Variants in FRMD3 observed in about 807,000 individuals in gnomAD.
The protein encoded by FRMD3 is FERM domain containing 3.
Under a neutral mutation model 70.2 loss-of-function variants are expected in FRMD3, and 33 were observed. The observed-to-expected ratio is 0.47, with a 90% CI of 0.36 to 0.63. The LOEUF (loss-of-function observed/expected upper bound fraction) is 0.63, where lower values mean the gene tolerates loss of function less well. FRMD3 is among the 20% of genes least tolerant of loss of function. The pLI is 0.00. For missense variants in FRMD3, 632 were observed against 711.4 expected (o/e 0.89, Z 1.27); for synonymous variants, 279 against 255.9 (o/e 1.09, Z -0.86).
chr9:83,266,388 A>C (rs1293586157), intron 13 of FRMD3, among the ~76,000 whole-genome samples: 1 of 152,228 alleles, frequency 6.6e-6, no homozygotes, highest in African/African-American at 2.4e-5. Flanking sequence ...ATTGGTAAAA[A>C]CCACATTTAT....
chr9:83,381,309 C>T (rs1238557048), intron 2 of FRMD3, among the ~76,000 whole-genome samples: 1 of 152,180 alleles, frequency 6.6e-6, no homozygotes, highest in Non-Finnish European at 1.5e-5. Flanking sequence ...AATCCCAGCA[C>T]TTTCGGAGGC....
chr9:83,290,648 G>A lies in FRMD3; in HGVS notation c.1150C>T (p.Leu384Phe), dbSNP rs759583076. ...IINMEPLQPL[L>F]PSPSEQEEEL... ...TCTTCTTGCTCGCTGGGGGAAGGAA[G>A]CAGGGGCTGCAGGGGTTCCATGTTA... Residue 384 changes from leucine (L) to phenylalanine (F), a missense_variant, in exon 13 of 14, where the codon CTT (leucine) becomes TTT (phenylalanine). Leu to Phe is a conservative substitution (Grantham distance 22, BLOSUM62 0). Transcript: ENST00000304195. 1 of 1,614,102 alleles carries A rather than the reference G, an allele frequency of 6.2e-7. No individual in the cohort carries two copies. Among genetic ancestry groups the A allele is most frequent in the Admixed American group, 1.7e-5 (1 of 60,020 alleles).
intron 1 of FRMD3, among the ~76,000 whole-genome samples, chr9:83,460,934 C>G (rs553191340): frequency 1.3e-5 from 2 of 151,312 alleles, no homozygotes; most frequent in South Asian, 4.2e-4. Flanking sequence ...TCTGAGGAGG[C>G]AGCAGGAAAA....
At chr9:83,334,475 C>T (rs988757099) in intron 6 of FRMD3, among the ~76,000 whole-genome samples, 1 of 152,104 alleles carries the variant, frequency 6.6e-6, no homozygotes, top group African/African-American at 2.4e-5. Flanking sequence ...TTCCTCACAC[C>T]GGGACAGTTG....
intron 1 of FRMD3, among the ~76,000 whole-genome samples, chr9:83,442,080 C>A (rs1048071465): frequency 7.2e-5 from 11 of 152,016 alleles, no homozygotes; most frequent in Admixed American, 3.9e-4. Context: ...ACTTATCAGC[C>A]GAGTGATCTT....
intron 1 of FRMD3, among the ~76,000 whole-genome samples, chr9:83,536,930 T>TTAAAAAAAAAAAAAA (rs1829904792): frequency 2.5e-4 from 15 of 60,894 alleles, no homozygotes; most frequent in Non-Finnish European, 4.9e-4. Flanking sequence ...TGTATTACAC[T>TTAAAAAAAAAAAAAA]AAAAAAAAAA....
At chr9:83,357,760 T>A (rs575943954) in intron 3 of FRMD3, among the ~76,000 whole-genome samples, 2 of 152,302 alleles carry the variant, frequency 1.3e-5, no homozygotes, top group East Asian at 3.9e-4. Context: ...AGCCCACTTT[T>A]TGATGGGATT....
At chr9:83,434,145 T>C (rs1329199209) in intron 1 of FRMD3, among the ~76,000 whole-genome samples, 2 of 152,196 alleles carry the variant, frequency 1.3e-5, no homozygotes, top group African/African-American at 2.4e-5. Flanking sequence ...GCTTAGTAAA[T>C]ATCAAATTCT....
At chr9:83,406,288 C>T (rs543779923) in intron 1 of FRMD3, among the ~76,000 whole-genome samples, 1 of 152,296 alleles carries the variant, frequency 6.6e-6, no homozygotes, top group Non-Finnish European at 1.5e-5. Flanking sequence ...ATCTTTTCTT[C>T]CCATCATCAT....
intron 3 of FRMD3, among the ~76,000 whole-genome samples, chr9:83,371,237 G>A (rs926418258): frequency 7.2e-5 from 11 of 151,826 alleles, no homozygotes; most frequent in Non-Finnish European, 1.6e-4. Context: ...CTAGGAATCA[G>A]CAATTTTTTT....
chr9:83,322,726 C>G (rs1835848379), intron 6 of FRMD3, among the ~76,000 whole-genome samples: 1 of 152,184 alleles, frequency 6.6e-6, no homozygotes, highest in Non-Finnish European at 1.5e-5. Flanking sequence ...CTGGAGGTTT[C>G]TCTCTTACTG....
At chr9:83,281,407 C>G (rs990626000) in intron 13 of FRMD3, 3 of 152,262 alleles carry the variant, frequency 2.0e-5, no homozygotes, top group Admixed American at 2.0e-4. Context: ...GCTGGTCACA[C>G]AACACTCTCC....
intron 1 of FRMD3, among the ~76,000 whole-genome samples, chr9:83,510,548 A>C (rs1564110586): frequency 6.6e-6 from 1 of 152,368 alleles, no homozygotes; most frequent in South Asian, 2.1e-4. Flanking sequence ...ATATGTCCAC[A>C]CAAAAACCCA....
intron 1 of FRMD3, among the ~76,000 whole-genome samples, chr9:83,471,888 C>G (rs895281658): frequency 2.6e-5 from 4 of 152,170 alleles, no homozygotes; most frequent in Non-Finnish European, 5.9e-5. Context: ...CAGCTCTGGG[C>G]CTGTCATTTC....
At chr9:83,357,233 TATATAATAC>T (rs1824388365) in intron 3 of FRMD3, among the ~76,000 whole-genome samples, 2 of 15,000 alleles carry the variant, frequency 1.3e-4, no homozygotes, top group Middle Eastern at 0.023. Context: ...ATTTTATATA[TATATAATAC>T]ATACATATAT....
rs1474609186 is a variant in FRMD3, at chr9:83,245,967, A to G, written c.*1951T>C. 1.0e-6 allele frequency: 1 copy of G among 983,384 alleles called. No homozygotes were observed. Among genetic ancestry groups the G allele is most frequent in the African/African-American group, 1.7e-5 (1 of 57,206 alleles). 60.9% of individuals were successfully genotyped at this position (983,384 alleles called of 1,614,324 possible). ...AATAAACAAACAATCTTTATTTAAA[A>G]AGCAAAATAAATCACTGAAAGCATA... On this transcript the variant is annotated 3_prime_UTR_variant, in exon 14 of 14. Transcript: ENST00000304195.
chr9:83,540,917 A>G (rs1381740940), upstream of FRMD3, among the ~76,000 whole-genome samples: 5 of 152,256 alleles, frequency 3.3e-5, no homozygotes. Context: ...CGGCCTCACA[A>G]GATTTTATAA....
intron 3 of FRMD3, among the ~76,000 whole-genome samples, chr9:83,353,649 G>A (rs1258729036): frequency 1.3e-5 from 2 of 152,194 alleles, no homozygotes; most frequent in African/African-American, 4.8e-5. Flanking sequence ...CCCTCTGACA[G>A]AATCAAAATA....
In FRMD3 at chr9:83,527,107, C is replaced by A. The variant is rs550166422; in HGVS notation, c.147+10978G>T. Among the ~76,000 whole-genome samples, 5 of 152,180 alleles carry A rather than the reference C, an allele frequency of 3.3e-5. No homozygotes were observed. The South Asian group carries it at 1.0e-3, about 32-fold the overall frequency. ...GGCACTGCTGGCTTATACACAATGA[C>A]TTGTTTGTGCCGAGATATTGCCAGA... On this transcript the variant is annotated intron_variant, in intron 1 of 13. Transcript: ENST00000304195.
Sources: gnomAD v4.1 joint callset for allele counts (sites outside exome capture counted in the v4.1 genomes callset) on GRCh38, gnomAD v4.1.1 for gene constraint, MANE v1.5 for transcripts, NCBI Gene and HGNC (gene_info 2026-07-23, HGNC 2026-07-21) for gene names.